Variants in OSBPL6 observed in about 807,000 individuals in gnomAD.
The protein encoded by OSBPL6 is oxysterol-binding protein-related protein 6.
A neutral mutation model predicts 125.8 loss-of-function variants in OSBPL6; 49 were observed. The observed-to-expected ratio is 0.39, with a 90% confidence interval of 0.31 to 0.49. The LOEUF is 0.49. OSBPL6 is among the 20% of genes least tolerant of loss of function. OSBPL6 has a pLI of 0.88. For missense variants in OSBPL6, 986 were observed against 1,135.4 expected (o/e 0.87, Z 1.89); for synonymous variants, 394 against 391.8 (o/e 1.01, Z -0.07).
rs1299717659 is a variant in OSBPL6 at position 178,212,490 on chromosome 2, A to G, written c.-351+17816A>G. On this transcript the variant is annotated intron_variant, in intron 1 of 24. Coordinates refer to ENST00000190611, the MANE Select transcript of OSBPL6 (RefSeq NM_032523.4). ...GTGTTCTGAGGTGAGCCTTACAATTAATTGCCTGAATTGGCTCTAATTATA... is the reference window on the plus strand; with the variant it reads ...GTGTTCTGAGGTGAGCCTTACAATTGATTGCCTGAATTGGCTCTAATTATA... Among the ~76,000 whole-genome samples, 3 of 152,222 alleles carry G rather than the reference A, an allele frequency of 2.0e-5. No individual in the cohort carries two copies. The East Asian group carries it at 5.8e-4, about 29-fold the overall frequency.
rs1279024339 is a variant in OSBPL6 at position 178,356,117 on chromosome 2, T to C, written c.1154-5565T>C. On this transcript the variant is annotated intron_variant, in intron 12 of 24. Transcript: ENST00000190611. ...ATAATAAGATCTATTTATGACAAAT[T>C]CACAGCCAATATCATACTGAATGGG... 1.1e-4 allele frequency among the ~76,000 whole-genome samples: 17 copies of C among 151,890 alleles called. 1 individual carries two copies. The South Asian group carries it at 1.5e-3, about 13-fold the overall frequency.
intron 11 of OSBPL6, among the ~76,000 whole-genome samples, chr2:178,343,623 T>C (rs1401069603): frequency 6.6e-6 from 1 of 152,220 alleles, no homozygotes; most frequent in African/African-American, 2.4e-5. Flanking sequence ...GGCATTGTCC[T>C]CACCCACTGA....
intron 1 of OSBPL6, among the ~76,000 whole-genome samples, chr2:178,214,248 C>A (rs1002990506): frequency 6.6e-6 from 1 of 152,154 alleles, no homozygotes. Flanking sequence ...GTTCTAGGAG[C>A]CTGACTACTT....
chr2:178,362,009 G>A, intron 13 of OSBPL6, among the ~76,000 whole-genome samples, 194 bp downstream of exon 13: 1 of 152,144 alleles, frequency 6.6e-6, no homozygotes, highest in East Asian at 1.9e-4. Context: ...AGGTAAGAGT[G>A]AAAATAAACC....
At chr2:178,347,755 A>G (rs1287192751) in intron 11 of OSBPL6, among the ~76,000 whole-genome samples, 10 of 152,204 alleles carry the variant, frequency 6.6e-5, no homozygotes, top group Admixed American at 6.5e-4. Flanking sequence ...GATAATATTG[A>G]TAAACAAGCT....
At chr2:178,367,328 G>T (rs1057336153) in intron 13 of OSBPL6, among the ~76,000 whole-genome samples, 1 of 152,196 alleles carries the variant, frequency 6.6e-6, no homozygotes, top group African/African-American at 2.4e-5. Flanking sequence ...TGATTTTTAA[G>T]AGAGACCCAG....
chr2:178,208,060 G>A lies in OSBPL6; in HGVS notation c.-351+13386G>A, dbSNP rs181391161. On this transcript the variant is annotated intron_variant, in intron 1 of 24. Coordinates refer to ENST00000190611, the MANE Select transcript of OSBPL6 (RefSeq NM_032523.4). ...AGCACTTCGGGAGGTCAAGGTGGGCGGATCACCTGAGGTCAGGAGTTCGAG... is the reference window on the plus strand; with the variant it reads ...AGCACTTCGGGAGGTCAAGGTGGGCAGATCACCTGAGGTCAGGAGTTCGAG... Among the ~76,000 whole-genome samples, 13 of 152,102 alleles carry A rather than the reference G, an allele frequency of 8.5e-5. No homozygotes were observed. In the East Asian group the frequency reaches 2.3e-3, roughly 27 times the overall value.
rs182922554 is a variant in OSBPL6 at position 178,252,377 on chromosome 2, A to C, written c.-350-32550A>C. Reference sequence around the variant, plus strand: ...ATAGTTCAAAAGCAGCGGTAGACAAAATGTAAATAAGTGGGCATGCTGTAT... The same window carrying C: ...ATAGTTCAAAAGCAGCGGTAGACAACATGTAAATAAGTGGGCATGCTGTAT... On this transcript the variant is annotated intron_variant, in intron 1 of 24. Transcript: ENST00000190611. Among the ~76,000 whole-genome samples, 6 of 152,280 alleles carry C rather than the reference A, an allele frequency of 3.9e-5. No homozygotes were observed. In the East Asian group the frequency reaches 1.2e-3, roughly 29 times the overall value.
intron 3 of OSBPL6, chr2:178,320,149 A>C: frequency 9.0e-7 from 1 of 1,110,306 alleles, no homozygotes; most frequent in Non-Finnish European, 1.2e-6. Flanking sequence ...CGTGAGTTGC[A>C]CCAAACCATT....
rs57476557 is a variant in OSBPL6, at chr2:178,198,386, T to G, written c.-351+3712T>G. Among the ~76,000 whole-genome samples, 722 of 150,804 alleles carry G rather than the reference T, an allele frequency of 4.8e-3. 6 individuals are homozygous for G. The highest frequency in any genetic ancestry group is 0.017 in the African/African-American group (695 of 41,178). On this transcript the variant is annotated intron_variant, in intron 1 of 24. Transcript: ENST00000190611. ...GGCGCAATCTTGGCTCACTGCAACC[T>G]CCTGGGTTCAAGCGATTCTTCTGCC...
intron 1 of OSBPL6, among the ~76,000 whole-genome samples, chr2:178,195,090 A>G (rs538472149): frequency 9.2e-5 from 14 of 152,220 alleles, no homozygotes; most frequent in African/African-American, 3.4e-4. Flanking sequence ...TTGTCAGCGG[A>G]AAACCGAACC....
chr2:178,306,202 G>T lies in OSBPL6; in HGVS notation c.18G>T (p.Lys6Asn), dbSNP rs553958346. Residue 6 changes from lysine (K) to asparagine (N), a missense_variant, in exon 3 of 25, where the codon AAG becomes AAT. By Grantham distance (94) the Lys-to-Asn change is moderately conservative (BLOSUM62 0). Transcript: ENST00000190611. ...CTGCAGCGATGAGTTCAGATGAGAA[G>T]GGCATTTCCCCTGCTCATAAAACAT... MSSDE[K>N]GISPAHKTST... 6.2e-7 allele frequency: 1 copy of T among 1,613,058 alleles called. No individual in the cohort carries two copies. Among genetic ancestry groups the T allele is most frequent in the East Asian group, 2.2e-5 (1 of 44,858 alleles).
At chr2:178,311,685 A>G (rs1051173761) in intron 3 of OSBPL6, among the ~76,000 whole-genome samples, 1 of 152,228 alleles carries the variant, frequency 6.6e-6, no homozygotes, top group African/African-American at 2.4e-5. Context: ...AATAATCATG[A>G]GGTCAGGAGA....
At chr2:178,304,876 C>T (rs924997948) in intron 2 of OSBPL6, among the ~76,000 whole-genome samples, 1 of 152,142 alleles carries the variant, frequency 6.6e-6, no homozygotes, top group Admixed American at 6.6e-5. Context: ...CTTAGTAAAC[C>T]GCTCATTCTT....
At chr2:178,272,022 T>C (rs566014747) in intron 1 of OSBPL6, among the ~76,000 whole-genome samples, 1 of 152,334 alleles carries the variant, frequency 6.6e-6, no homozygotes, top group South Asian at 2.1e-4. Flanking sequence ...CAAGAGTGAA[T>C]ATCAAAACTC....
At chr2:178,275,257 A>G (rs566353300) in intron 1 of OSBPL6, among the ~76,000 whole-genome samples, 1 of 152,222 alleles carries the variant, frequency 6.6e-6, no homozygotes, top group Non-Finnish European at 1.5e-5. Context: ...TTCGCCTGTA[A>G]TCCCAGCACT....
chr2:178,267,798 A>T (rs2092280650), intron 1 of OSBPL6, among the ~76,000 whole-genome samples: 1 of 145,122 alleles, frequency 6.9e-6, no homozygotes. Context: ...TAAGCAACAT[A>T]TAAAATGTCA....
At chr2:178,377,267 C>A (rs113947979) in intron 15 of OSBPL6, among the ~76,000 whole-genome samples, 2 of 152,220 alleles carry the variant, frequency 1.3e-5, no homozygotes, top group African/African-American at 4.8e-5. Flanking sequence ...CCTCACATGA[C>A]CAGAGCAGGA....
At chr2:178,257,179 A>C (rs570660507) in intron 1 of OSBPL6, among the ~76,000 whole-genome samples, 1 of 152,334 alleles carries the variant, frequency 6.6e-6, no homozygotes, top group South Asian at 2.1e-4. Flanking sequence ...TTGGATGGTA[A>C]AGCTTCAGTG....
Sources: gnomAD v4.1 joint callset for allele counts (sites outside exome capture counted in the v4.1 genomes callset) on GRCh38, gnomAD v4.1.1 for gene constraint, MANE v1.5 for transcripts, NCBI Gene and HGNC (gene_info 2026-07-23, HGNC 2026-07-21) for gene names.